The following RALYL variants were observed in gnomAD, a reference collection of about 807,000 sequenced individuals.
RALYL encodes the protein RNA-binding Raly-like protein.
In RALYL, 29 loss-of-function variants were observed where a neutral mutation model predicts 35.1. That is an observed-to-expected ratio of 0.83 (90% confidence interval 0.61 to 1.13). RALYL has a LOEUF of 1.13. RALYL is among the 50% of genes most tolerant of loss of function. The pLI, the probability that RALYL is intolerant of heterozygous loss-of-function variation, is 0.00. For missense variants in RALYL, 359 were observed against 360.4 expected (o/e 1.00, Z 0.03); for synonymous variants, 120 against 127.6 (o/e 0.94, Z 0.40).
chr8:84,420,173 G>A (rs1253491735), intron 1 of RALYL, among the ~76,000 whole-genome samples: 1 of 151,798 alleles, frequency 6.6e-6, no homozygotes, highest in Non-Finnish European at 1.5e-5. Context: ...CAGTGTAAAA[G>A]TGTTCCTATT....
intron 2 of RALYL, among the ~76,000 whole-genome samples, chr8:84,620,163 C>T (rs1404676933): frequency 6.6e-6 from 1 of 151,860 alleles, no homozygotes; most frequent in African/African-American, 2.4e-5. Flanking sequence ...TGGGGAAGTT[C>T]TCCTGGATAA....
At chr8:84,712,436 A>G (rs1842330000) in intron 2 of RALYL, among the ~76,000 whole-genome samples, 1 of 150,414 alleles carries the variant, frequency 6.6e-6, no homozygotes, top group South Asian at 2.1e-4. Flanking sequence ...CTGCAGAAAT[A>G]TATTATCTCT....
chr8:84,682,840 C>T (rs1433920670), intron 2 of RALYL, among the ~76,000 whole-genome samples: 1 of 151,920 alleles, frequency 6.6e-6, no homozygotes, highest in African/African-American at 2.4e-5. Flanking sequence ...TCTCTATTTC[C>T]TTCAGTTCTG....
At chr8:84,708,614 T>C (rs1164523727) in intron 2 of RALYL, among the ~76,000 whole-genome samples, 1 of 152,110 alleles carries the variant, frequency 6.6e-6, no homozygotes, top group Non-Finnish European at 1.5e-5. Context: ...TCGGATTGAT[T>C]TGGGAATTAA....
chr8:84,461,168 A>G (rs1168154954), intron 1 of RALYL, among the ~76,000 whole-genome samples: 5 of 151,666 alleles, frequency 3.3e-5, no homozygotes, highest in African/African-American at 1.2e-4. Flanking sequence ...CTGAGACTCC[A>G]TTCTTTTAAA....
chr8:84,854,407 T>C (rs762985351), intron 5 of RALYL, among the ~76,000 whole-genome samples: 5 of 152,138 alleles, frequency 3.3e-5, no homozygotes, highest in Non-Finnish European at 5.9e-5. Context: ...ATTTCTCATA[T>C]TGACATTCAT....
intron 1 of RALYL, among the ~76,000 whole-genome samples, chr8:84,354,563 T>C (rs1313851102): frequency 3.3e-5 from 5 of 150,494 alleles, no homozygotes; most frequent in African/African-American, 1.2e-4. Context: ...TTCAGGACTT[T>C]CTCATTCCAA....
chr8:84,608,899 C>T (rs1817714704), intron 2 of RALYL, among the ~76,000 whole-genome samples: 1 of 152,096 alleles, frequency 6.6e-6, no homozygotes, highest in South Asian at 2.1e-4. Flanking sequence ...TAAGACCAAA[C>T]CCATCCACTC....
chr8:84,542,336 T>A (rs915713307), intron 2 of RALYL, among the ~76,000 whole-genome samples: 1 of 152,160 alleles, frequency 6.6e-6, no homozygotes, highest in Admixed American at 6.6e-5. Flanking sequence ...TGTATATGTA[T>A]AATATATGTT....
chr8:84,230,398 T>G (rs909050219), intron 1 of RALYL, among the ~76,000 whole-genome samples: 12 of 152,066 alleles, frequency 7.9e-5, no homozygotes, highest in Admixed American at 2.6e-4. Context: ...TTAATATGGA[T>G]GACAAAAATA....
At chr8:84,602,276 C>A (rs1816149336) in intron 2 of RALYL, among the ~76,000 whole-genome samples, 1 of 152,156 alleles carries the variant, frequency 6.6e-6, no homozygotes, top group Non-Finnish European at 1.5e-5. Context: ...AATCTATTCA[C>A]TTGCCCAGGT....
chr8:84,369,745 A>T (rs538472741), intron 1 of RALYL, among the ~76,000 whole-genome samples: 1 of 152,184 alleles, frequency 6.6e-6, no homozygotes, highest in Non-Finnish European at 1.5e-5. Context: ...CCTAGCTCTC[A>T]CAGAATGCTT....
intron 1 of RALYL, among the ~76,000 whole-genome samples, chr8:84,229,301 T>C (rs909553121): frequency 4.6e-5 from 7 of 152,178 alleles, no homozygotes; most frequent in Non-Finnish European, 8.8e-5. Context: ...CTCTGAGTCT[T>C]CATAAGAAAC....
intron 2 of RALYL, among the ~76,000 whole-genome samples, chr8:84,681,735 T>G (rs988877685): frequency 6.6e-6 from 1 of 152,188 alleles, no homozygotes; most frequent in Non-Finnish European, 1.5e-5. Flanking sequence ...TAAGGAGAGT[T>G]TGGGCTGAGA....
chr8:84,618,867 G>C (rs1200200789), intron 2 of RALYL, among the ~76,000 whole-genome samples: 8 of 103,154 alleles, frequency 7.8e-5, no homozygotes, highest in Admixed American at 1.1e-4. Flanking sequence ...TAGTCATTCA[G>C]GAGCAGGTTG....
At chr8:84,294,535 A>C (rs531513010) in intron 1 of RALYL, among the ~76,000 whole-genome samples, 1 of 152,202 alleles carries the variant, frequency 6.6e-6, no homozygotes, top group East Asian at 1.9e-4. Context: ...AATAATTCTG[A>C]AAAACATGCT....
intron 1 of RALYL, among the ~76,000 whole-genome samples, chr8:84,301,240 G>A (rs1840718653): frequency 6.6e-6 from 1 of 151,994 alleles, no homozygotes; most frequent in Non-Finnish European, 1.5e-5. Flanking sequence ...GATTCCTGAT[G>A]AAAGGTCGAC....
intron 2 of RALYL, among the ~76,000 whole-genome samples, chr8:84,752,824 A>G (rs1051397304): frequency 6.6e-6 from 1 of 152,188 alleles, no homozygotes; most frequent in Non-Finnish European, 1.5e-5. Flanking sequence ...CTAGATTTCA[A>G]CGGATGTATG....
At chr8:84,905,700 A>ATTTT (rs35284071) in intron 8 of RALYL, among the ~76,000 whole-genome samples, 36,414 of 142,752 alleles carry the variant, frequency 0.26, 5,136 homozygotes, top group East Asian at 0.58. Context: ...TATGAATACT[A>ATTTT]TTTTTTTTTT....
Sources: gnomAD v4.1 joint callset for allele counts (sites outside exome capture counted in the v4.1 genomes callset) on GRCh38, gnomAD v4.1.1 for gene constraint, MANE v1.5 for transcripts, NCBI Gene and HGNC (gene_info 2026-07-23, HGNC 2026-07-21) for gene names.